Variants in DTD1 observed in about 807,000 individuals in gnomAD.
DTD1 encodes the protein D-aminoacyl-tRNA deacylase 1, also known as D-tyrosyl-tRNA deacylase 1 homolog.
In DTD1, 13 loss-of-function variants were observed where a neutral mutation model predicts 25.6. That is an observed-to-expected ratio of 0.51 (90% confidence interval 0.33 to 0.81). DTD1 has a LOEUF of 0.81. Among genes scored for constraint, DTD1 ranks in the 30% least tolerant of loss-of-function variants. DTD1 has a pLI of 0.02. For missense variants in DTD1, 193 were observed against 266.4 expected, an observed-to-expected ratio of 0.72 and a Z score of 1.92; for synonymous variants, 110 against 103.6, an observed-to-expected ratio of 1.06 and a Z score of -0.37.
intron 4 of DTD1, among the ~76,000 whole-genome samples, chr20:18,695,185 A>T (rs2122444838): frequency 1.3e-5 from 2 of 152,114 alleles, no homozygotes; most frequent in South Asian, 4.2e-4. Context: ...GTCAGCAACG[A>T]TTCACACATA....
intron 4 of DTD1, among the ~76,000 whole-genome samples, chr20:18,661,620 C>T (rs1285062683): frequency 1.3e-5 from 2 of 152,292 alleles, no homozygotes; most frequent in South Asian, 4.1e-4. Context: ...ATCTGCCCGC[C>T]TTGGCCTCCC....
chr20:18,660,930 C>G (rs1196531406), intron 4 of DTD1, among the ~76,000 whole-genome samples: 1 of 152,216 alleles, frequency 6.6e-6, no homozygotes, highest in Non-Finnish European at 1.5e-5. Context: ...AATATCCCAA[C>G]CAGGATATTG....
intron 4 of DTD1, among the ~76,000 whole-genome samples, chr20:18,728,100 T>G (rs1287773203): frequency 6.6e-6 from 1 of 152,144 alleles, no homozygotes; most frequent in Admixed American, 6.5e-5. Flanking sequence ...GGGTTTTCAG[T>G]CCCTTCATGG....
intron 4 of DTD1, among the ~76,000 whole-genome samples, chr20:18,702,688 C>T (rs2061110604): frequency 1.4e-5 from 2 of 137,988 alleles, no homozygotes; most frequent in African/African-American, 5.3e-5. Context: ...GGATAGGAAT[C>T]TGGTCACAAA....
intron 5 of DTD1, among the ~76,000 whole-genome samples, chr20:18,747,045 A>G (rs1171090636): frequency 1.3e-5 from 2 of 152,158 alleles, no homozygotes; most frequent in African/African-American, 4.8e-5. Flanking sequence ...ATGATAATTC[A>G]CTTTTGTTAG....
chr20:18,686,076 C>G (rs1481558497), intron 4 of DTD1, among the ~76,000 whole-genome samples: 1 of 152,224 alleles, frequency 6.6e-6, no homozygotes, highest in Non-Finnish European at 1.5e-5. Flanking sequence ...AAGAAAGTGT[C>G]AGCCTCAGGT....
chr20:18,697,075 CA>C (rs1273521986), intron 4 of DTD1, among the ~76,000 whole-genome samples: 9 of 151,502 alleles, frequency 5.9e-5, no homozygotes, highest in Non-Finnish European at 1.0e-4. Flanking sequence ...ACTAAAAATA[CA>C]AAAAAATTGT....
rs542557332 is a variant in DTD1 at position 18,648,763 on chromosome 20, G to A, written c.477+20530G>A. Reference sequence around the variant, plus strand: ...CAGTTTTAAATGAAAATTTAAGGCCGAGGTGGGCGGATCACGAGGTCAGGA... The same window carrying A: ...CAGTTTTAAATGAAAATTTAAGGCCAAGGTGGGCGGATCACGAGGTCAGGA... On this transcript the variant is annotated intron_variant, in intron 4 of 5. Coordinates refer to ENST00000377452, the MANE Select transcript of DTD1 (RefSeq NM_080820.6). Among the ~76,000 whole-genome samples, 161 of 151,960 alleles carry A rather than the reference G, an allele frequency of 1.1e-3. 1 individual carries two copies. The highest frequency in any genetic ancestry group is 3.5e-3 in the African/African-American group (143 of 41,434).
chr20:18,731,535 C>T (rs7266176), intron 4 of DTD1, among the ~76,000 whole-genome samples: 10 of 152,316 alleles, frequency 6.6e-5, no homozygotes, highest in African/African-American at 2.2e-4. Context: ...GTCCTCTTAT[C>T]CATAAGCAAC....
intron 5 of DTD1, among the ~76,000 whole-genome samples, chr20:18,752,028 T>G (rs969607932): frequency 6.6e-6 from 1 of 152,160 alleles, no homozygotes; most frequent in Non-Finnish European, 1.5e-5. Flanking sequence ...TTGCAGTTTC[T>G]TATGAGAAGT....
At chr20:18,684,412 G>C (rs2061008833) in intron 4 of DTD1, among the ~76,000 whole-genome samples, 2 of 151,996 alleles carry the variant, frequency 1.3e-5, no homozygotes, top group African/African-American at 4.8e-5. Flanking sequence ...TCAGCCTCTT[G>C]AGTAGCTGGG....
chr20:18,684,340 GCAGTGGGGTGATCT>G (rs2061008568), intron 4 of DTD1, among the ~76,000 whole-genome samples: 1 of 151,908 alleles, frequency 6.6e-6, no homozygotes. Context: ...ACACTGGATT[GCAGTGGGGTGATCT>G]CAGTTCACTG....
chr20:18,713,730 G>A (rs2061169096), intron 4 of DTD1, among the ~76,000 whole-genome samples: 1 of 152,154 alleles, frequency 6.6e-6, no homozygotes, highest in Non-Finnish European at 1.5e-5. Flanking sequence ...CTAGACTAAG[G>A]TTTCTCTCTG....
At chr20:18,687,851 A>G (rs1331549401) in intron 4 of DTD1, among the ~76,000 whole-genome samples, 1 of 152,228 alleles carries the variant, frequency 6.6e-6, no homozygotes, top group African/African-American at 2.4e-5. Context: ...GATGGGGTGC[A>G]CAGTCTTTGG....
intron 4 of DTD1, among the ~76,000 whole-genome samples, chr20:18,713,923 G>A (rs867571375): frequency 2.9e-4 from 44 of 152,164 alleles, no homozygotes; most frequent in African/African-American, 1.0e-3. Context: ...CAGGTGAGCT[G>A]CCCAGAGCCC....
chr20:18,619,478 G>A (rs1255104374), intron 3 of DTD1, among the ~76,000 whole-genome samples: 1 of 151,942 alleles, frequency 6.6e-6, no homozygotes, highest in Non-Finnish European at 1.5e-5. Flanking sequence ...AGGCTGGAAT[G>A]CAGTGGCACA....
At chr20:18,631,584 A>T in intron 4 of DTD1, 1 of 985,284 alleles carries the variant, frequency 1.0e-6, no homozygotes, top group Non-Finnish European at 1.2e-6. Flanking sequence ...AAAGGTTCTC[A>T]CCGAGGGCCC....
At chr20:18,627,841 G>A (rs556161070) in intron 3 of DTD1, among the ~76,000 whole-genome samples, 6 of 152,196 alleles carry the variant, frequency 3.9e-5, no homozygotes, top group Middle Eastern at 3.4e-3. Context: ...TAAGTCTCAC[G>A]AGATCTGATG....
In DTD1 at chr20:18,682,059, A is replaced by G. The variant is rs879399; in HGVS notation, c.477+53826A>G. Among the ~76,000 whole-genome samples the G allele has an allele frequency of 2.5e-3, 375 of 152,314 alleles. 7 individuals are homozygous for G. The highest frequency in any genetic ancestry group is 0.02 in the Admixed American group (304 of 15,304). On this transcript the variant is annotated intron_variant, in intron 4 of 5. Coordinates refer to ENST00000377452, the MANE Select transcript of DTD1 (RefSeq NM_080820.6). Reference sequence around the variant, plus strand: ...ACCTGCCCACAGGCGTTAACAGTACAGTGTTATTTGAAGGTGGGCTTAGAT... The same window carrying G: ...ACCTGCCCACAGGCGTTAACAGTACGGTGTTATTTGAAGGTGGGCTTAGAT...
Sources: gnomAD v4.1 joint callset for allele counts (sites outside exome capture counted in the v4.1 genomes callset) on GRCh38, gnomAD v4.1.1 for gene constraint, MANE v1.5 for transcripts, NCBI Gene and HGNC (gene_info 2026-07-23, HGNC 2026-07-21) for gene names.